Variants in KCNU1 observed in about 807,000 individuals in gnomAD.
KCNU1 encodes potassium calcium-activated channel subfamily U member 1, also known as potassium channel subfamily U member 1.
A neutral mutation model predicts 126.8 loss-of-function variants in KCNU1; 93 were observed. That is an observed-to-expected ratio of 0.73 (90% CI 0.62 to 0.87). The LOEUF is 0.87. KCNU1 is among the 40% of genes least tolerant of loss of function. The probability of loss-of-function intolerance (pLI) is 0.00; values close to 1 mark genes in which losing one functional copy is unlikely to be tolerated. For synonymous variants in KCNU1, 523 were observed against 494.2 expected (o/e 1.06, Z -0.77); for missense variants, 1,330 against 1,367.1 (o/e 0.97, Z 0.43).
At chr8:36,808,687 A>G (rs967114479) in intron 6 of KCNU1, 31 bp from the exon 7 acceptor site, 1 of 1,400,414 alleles carries the variant, frequency 7.1e-7, no homozygotes, top group African/African-American at 1.4e-5. Context: ...AATCTGTTAG[A>G]CCCAACAGCT....
At chr8:36,887,174 T>C (rs1434921449) in intron 19 of KCNU1, among the ~76,000 whole-genome samples, 1 of 152,190 alleles carries the variant, frequency 6.6e-6, no homozygotes, top group East Asian at 1.9e-4. Context: ...AGCAGTGGGA[T>C]TGCTGAATTG....
chr8:36,807,526 C>T (rs1225146425), intron 6 of KCNU1, 76 bp downstream of exon 6: 3 of 1,021,050 alleles, frequency 2.9e-6, no homozygotes, highest in Admixed American at 3.5e-5. Context: ...GGACCCTAAA[C>T]TCAATGCATT....
intron 4 of KCNU1, 50 bp downstream of exon 4, chr8:36,805,335 A>G (rs1803458334): frequency 1.8e-6 from 2 of 1,085,208 alleles, no homozygotes; most frequent in Admixed American, 2.0e-5. Context: ...CACAGGCACA[A>G]CATACAGAGA....
intron 19 of KCNU1, among the ~76,000 whole-genome samples, chr8:36,887,587 T>C (rs1053176843): frequency 2.6e-5 from 4 of 151,890 alleles, no homozygotes; most frequent in African/African-American, 7.3e-5. Context: ...CAATCCATGG[T>C]TGATGGTCTT....
Position 36,865,753 on chromosome 8 carries a change from G to A in KCNU1, c.2009+1232G>A, listed in dbSNP as rs906081817. ...TTCATACCACTGCACTCCAGCCTGAGTGACAGAGCAAGAGCTTGTCAAAAA... is the reference window on the plus strand; with the variant it reads ...TTCATACCACTGCACTCCAGCCTGAATGACAGAGCAAGAGCTTGTCAAAAA... On this transcript the variant is annotated intron_variant, in intron 19 of 26. Transcript: ENST00000399881. Among the ~76,000 whole-genome samples the A allele has an allele frequency of 1.1e-4, 13 of 121,866 alleles. No individual in the cohort carries two copies. In the East Asian group the frequency reaches 3.4e-3, roughly 32 times the overall value. The allele number at this position is 121,866 out of a possible 152,430, so 79.9% of individuals were successfully genotyped here.
intron 19 of KCNU1, among the ~76,000 whole-genome samples, chr8:36,895,735 T>C (rs1807163893): frequency 6.6e-6 from 1 of 152,150 alleles, no homozygotes; most frequent in Non-Finnish European, 1.5e-5. Context: ...ATTTTAGACC[T>C]TGATGCAAGT....
At chr8:36,791,599 A>T (rs1802902823) in intron 2 of KCNU1, among the ~76,000 whole-genome samples, 1 of 152,152 alleles carries the variant, frequency 6.6e-6, no homozygotes, top group Non-Finnish European at 1.5e-5. Flanking sequence ...CAACAACAAC[A>T]GTTTTCAACC....
At chr8:36,880,129 G>A (rs1806422896) in intron 19 of KCNU1, among the ~76,000 whole-genome samples, 3 of 152,190 alleles carry the variant, frequency 2.0e-5, no homozygotes, top group East Asian at 1.9e-4. Flanking sequence ...CTGGATTAGA[G>A]GGAGAGAATA....
intron 24 of KCNU1, chr8:36,928,778 A>G (rs752976235): frequency 2.0e-6 from 1 of 491,630 alleles, no homozygotes; most frequent in Non-Finnish European, 3.6e-6. Flanking sequence ...GACACAGCCT[A>G]TCTTCTGAAG....
At chr8:36,808,078 A>T (rs1803572395) in intron 6 of KCNU1, among the ~76,000 whole-genome samples, 1 of 152,132 alleles carries the variant, frequency 6.6e-6, no homozygotes, top group Non-Finnish European at 1.5e-5. Context: ...GGTGGATTTC[A>T]CTGCTACGTG....
chr8:36,836,251 T>A (rs778026334), intron 12 of KCNU1, 45 bp from the exon 13 acceptor site: 1 of 1,217,246 alleles, frequency 8.2e-7, no homozygotes, highest in East Asian at 2.3e-5. Context: ...ACAAAGCCCT[T>A]TGGCTATGAC....
chr8:36,932,730 A>G (rs1808737144), intron 25 of KCNU1, among the ~76,000 whole-genome samples, 190 bp from the exon 26 acceptor site: 1 of 152,090 alleles, frequency 6.6e-6, no homozygotes, highest in Non-Finnish European at 1.5e-5. Context: ...AAAAACCATC[A>G]CTGGGATTAG....
chr8:36,884,668 G>A (rs1806624474), intron 19 of KCNU1, among the ~76,000 whole-genome samples: 1 of 152,050 alleles, frequency 6.6e-6, no homozygotes, highest in Admixed American at 6.6e-5. Context: ...CCCAGGAGGT[G>A]GAGGTTGCAG....
intron 26 of KCNU1, 51 bp downstream of exon 26, chr8:36,933,083 C>A: frequency 3.6e-6 from 4 of 1,106,164 alleles, no homozygotes; most frequent in South Asian, 1.3e-5. Flanking sequence ...GCATAAGAAC[C>A]AAAGCTACTT....
At chr8:36,899,130 G>A (rs1346051186) in intron 19 of KCNU1, among the ~76,000 whole-genome samples, 2 of 152,086 alleles carry the variant, frequency 1.3e-5, no homozygotes, top group African/African-American at 4.8e-5. Context: ...CAGAAAAGCT[G>A]TCAGTTTTTA....
At chr8:36,927,433 G>T (rs1311393595) in intron 24 of KCNU1, among the ~76,000 whole-genome samples, 1 of 152,072 alleles carries the variant, frequency 6.6e-6, no homozygotes, top group East Asian at 1.9e-4. Flanking sequence ...CATATGCAGG[G>T]TTCCTATCTG....
chr8:36,786,055 A>G (rs1802700105), intron 1 of KCNU1, among the ~76,000 whole-genome samples: 1 of 152,034 alleles, frequency 6.6e-6, no homozygotes, highest in Admixed American at 6.5e-5. Context: ...TTGTTTTATT[A>G]CATCAAATTA....
At chr8:36,873,879 T>C (rs1036691963) in intron 19 of KCNU1, among the ~76,000 whole-genome samples, 18 of 152,160 alleles carry the variant, frequency 1.2e-4, no homozygotes, top group Admixed American at 1.0e-3. Context: ...TAATTAGATT[T>C]ATAACACTTT....
intron 2 of KCNU1, among the ~76,000 whole-genome samples, chr8:36,798,467 A>G (rs947044797): frequency 2.0e-5 from 3 of 152,204 alleles, no homozygotes; most frequent in African/African-American, 7.2e-5. Flanking sequence ...AAGAATCTCT[A>G]TTAACATAGC....
Sources: gnomAD v4.1 joint callset for allele counts (sites outside exome capture counted in the v4.1 genomes callset) on GRCh38, gnomAD v4.1.1 for gene constraint, MANE v1.5 for transcripts, NCBI Gene and HGNC (gene_info 2026-07-23, HGNC 2026-07-21) for gene names.